MDGA2: variants seen among roughly 807,000 people sequenced by gnomAD.
MDGA2 encodes MAM domain containing glycosylphosphatidylinositol anchor 2, also known as MAM domain-containing glycosylphosphatidylinositol anchor protein 2.
Under a neutral mutation model 117.8 loss-of-function variants are expected in MDGA2, and 40 were observed. The ratio of observed to expected loss-of-function variants is 0.34; its 90% CI spans 0.26 to 0.44. The LOEUF is 0.44. MDGA2 is among the 20% of genes least tolerant of loss of function. MDGA2 has a pLI of 1.00. For missense variants in MDGA2, 1,123 were observed against 1,250.6 expected, an observed-to-expected ratio of 0.90 and a Z score of 1.54; for synonymous variants, 452 against 439.0, an observed-to-expected ratio of 1.03 and a Z score of -0.37.
At chr14:47,327,837 G>A (rs1443083422) in intron 1 of MDGA2, among the ~76,000 whole-genome samples, 1 of 152,018 alleles carries the variant, frequency 6.6e-6, no homozygotes, top group East Asian at 1.9e-4. Context: ...CATTTACATA[G>A]AAGAATCCTA....
intron 1 of MDGA2, among the ~76,000 whole-genome samples, chr14:47,379,034 A>G (rs547952932): frequency 8.1e-4 from 124 of 152,368 alleles, no homozygotes; most frequent in Non-Finnish European, 1.0e-3. Flanking sequence ...GAAACTCTAC[A>G]AGCCAGAAGA....
At chr14:46,911,387 T>G (rs1205492001) in intron 10 of MDGA2, among the ~76,000 whole-genome samples, 1 of 152,248 alleles carries the variant, frequency 6.6e-6, no homozygotes, top group Non-Finnish European at 1.5e-5. Flanking sequence ...TACGTAGTTT[T>G]ATTGACATCT....
intron 3 of MDGA2, among the ~76,000 whole-genome samples, chr14:47,159,935 C>T (rs1883561371): frequency 6.6e-6 from 1 of 152,088 alleles, no homozygotes; most frequent in Non-Finnish European, 1.5e-5. Flanking sequence ...TAAGATATGA[C>T]TGTCTTTTCT....
chr14:47,076,909 A>G (rs1056445114), intron 6 of MDGA2, among the ~76,000 whole-genome samples: 2 of 152,134 alleles, frequency 1.3e-5, no homozygotes, highest in Non-Finnish European at 2.9e-5. Context: ...TGTGACCTGG[A>G]AAATATTTCC....
chr14:47,300,365 T>C (rs1889235142), intron 2 of MDGA2, among the ~76,000 whole-genome samples: 1 of 152,254 alleles, frequency 6.6e-6, no homozygotes, highest in South Asian at 2.1e-4. Flanking sequence ...TTATCAATTA[T>C]TGAGTAAAAC....
At chr14:47,383,727 G>A (rs1891688931) in intron 1 of MDGA2, among the ~76,000 whole-genome samples, 1 of 152,022 alleles carries the variant, frequency 6.6e-6, no homozygotes, top group Admixed American at 6.6e-5. Context: ...GTTTCACAAT[G>A]TTGGCCAGGC....
intron 6 of MDGA2, among the ~76,000 whole-genome samples, chr14:47,066,525 G>C (rs1049908964): frequency 7.9e-5 from 12 of 152,170 alleles, no homozygotes; most frequent in Admixed American, 3.3e-4. Context: ...GTGAGGAAGA[G>C]AATTCTGTAC....
chr14:46,930,055 G>C (rs1017889936), intron 9 of MDGA2, among the ~76,000 whole-genome samples: 4 of 151,748 alleles, frequency 2.6e-5, no homozygotes, highest in African/African-American at 9.7e-5. Flanking sequence ...CATTCCAATT[G>C]TAAGTATTAA....
intron 1 of MDGA2, among the ~76,000 whole-genome samples, chr14:47,304,141 T>G (rs1295821192): frequency 6.6e-6 from 1 of 152,160 alleles, no homozygotes; most frequent in Admixed American, 6.6e-5. Flanking sequence ...GCTCAATATT[T>G]TAGCTGCTCA....
At chr14:47,102,391 ACAAACACAC>A (rs1369392941) in intron 5 of MDGA2, among the ~76,000 whole-genome samples, 3 of 145,574 alleles carry the variant, frequency 2.1e-5, no homozygotes, top group Non-Finnish European at 3.0e-5. Flanking sequence ...ACACACACAC[ACAAACACAC>A]ACACACACAC....
chr14:46,857,895 C>T (rs947262310), intron 14 of MDGA2, among the ~76,000 whole-genome samples: 1 of 151,902 alleles, frequency 6.6e-6, no homozygotes, highest in African/African-American at 2.4e-5. Context: ...TCAAGCAATC[C>T]TCCTGCCTTG....
intron 8 of MDGA2, among the ~76,000 whole-genome samples, chr14:47,024,463 C>T (rs1449812303): frequency 2.0e-5 from 3 of 152,116 alleles, no homozygotes; most frequent in Admixed American, 2.0e-4. Context: ...AGGCAAATAA[C>T]TTATAAGAAT....
At chr14:47,392,577 C>G (rs1891921074) in intron 1 of MDGA2, among the ~76,000 whole-genome samples, 1 of 151,926 alleles carries the variant, frequency 6.6e-6, no homozygotes, top group Non-Finnish European at 1.5e-5. Flanking sequence ...TCAGGGTAAA[C>G]AGTCCAGAGA....
At chr14:46,931,514 G>A (rs572673578) in intron 9 of MDGA2, among the ~76,000 whole-genome samples, 27 of 133,366 alleles carry the variant, frequency 2.0e-4, no homozygotes, top group Admixed American at 2.0e-3. Flanking sequence ...ATTGCTTTTA[G>A]TTTATTTTTG....
chr14:47,293,586 T>C, intron 2 of MDGA2, among the ~76,000 whole-genome samples: 1 of 152,286 alleles, frequency 6.6e-6, no homozygotes, highest in Non-Finnish European at 1.5e-5. Context: ...AATAAATTAT[T>C]ATTTAGTATC....
chr14:47,492,392 C>A (rs1894188473), intron 1 of MDGA2, among the ~76,000 whole-genome samples: 1 of 151,978 alleles, frequency 6.6e-6, no homozygotes. Flanking sequence ...GCAGACAATG[C>A]AAATATTAAT....
At chr14:47,440,396 C>G (rs577865259) in intron 1 of MDGA2, among the ~76,000 whole-genome samples, 7 of 152,244 alleles carry the variant, frequency 4.6e-5, no homozygotes, top group African/African-American at 1.7e-4. Flanking sequence ...CTTCCCTGTG[C>G]CATTTCCTCA....
Position 47,245,331 on chromosome 14 carries a change from G to T in MDGA2, c.421-27136C>A, listed in dbSNP as rs373488458. On this transcript the variant is annotated intron_variant, in intron 2 of 16. Coordinates refer to ENST00000399232, the MANE Select transcript of MDGA2 (RefSeq NM_001113498.3). ...TTTCTTTTCTTTATCTTACTTTATT[G>T]GATATAATACATACAACATACAAAA... Among the ~76,000 whole-genome samples, 27 of 151,792 alleles carry T rather than the reference G, an allele frequency of 1.8e-4. No individual in the cohort carries two copies. In the South Asian group the frequency reaches 5.6e-3, roughly 32 times the overall value.
At chr14:46,944,478 G>A (rs1885103364) in intron 9 of MDGA2, among the ~76,000 whole-genome samples, 1 of 151,712 alleles carries the variant, frequency 6.6e-6, no homozygotes, top group Non-Finnish European at 1.5e-5. Flanking sequence ...ACCATGATAT[G>A]CTTGGATCTG....
Sources: gnomAD v4.1 joint callset for allele counts (sites outside exome capture counted in the v4.1 genomes callset) on GRCh38, gnomAD v4.1.1 for gene constraint, MANE v1.5 for transcripts, NCBI Gene and HGNC (gene_info 2026-07-23, HGNC 2026-07-21) for gene names.